The following RBFOX1 variants were observed in gnomAD, a reference collection of about 807,000 sequenced individuals.
The protein encoded by RBFOX1 is RNA binding protein fox-1 homolog 1.
A neutral mutation model predicts 57.7 loss-of-function variants in RBFOX1; 8 were observed. The observed-to-expected ratio is 0.14, with a 90% CI of 0.08 to 0.25. The LOEUF (loss-of-function observed/expected upper bound fraction) is 0.25. RBFOX1 is among the 10% of genes least tolerant of loss of function. The pLI is 1.00. For missense variants in RBFOX1, 611 were observed against 548.5 expected (o/e 1.11, Z -1.14); for synonymous variants, 326 against 222.4 (o/e 1.47, Z -4.15).
intron 1 of RBFOX1, among the ~76,000 whole-genome samples, chr16:6,274,464 A>G (rs1283902853): frequency 6.6e-6 from 1 of 152,206 alleles, no homozygotes; most frequent in African/African-American, 2.4e-5. Flanking sequence ...CAATTTATGT[A>G]AAATTCTTGA....
intron 1 of RBFOX1, among the ~76,000 whole-genome samples, chr16:6,125,676 C>A (rs1038070561): frequency 3.3e-5 from 5 of 152,066 alleles, no homozygotes; most frequent in African/African-American, 1.2e-4. Context: ...CTGCAGTCAG[C>A]AGAAATGCGT....
At chr16:5,478,536 A>G (rs1356279608) in intron 2 of RBFOX1, among the ~76,000 whole-genome samples, 1 of 152,222 alleles carries the variant, frequency 6.6e-6, no homozygotes, top group Non-Finnish European at 1.5e-5. Flanking sequence ...TAAAACACAT[A>G]CAAGGTAATT....
intron 4 of RBFOX1, among the ~76,000 whole-genome samples, chr16:7,281,283 G>A (rs538513417): frequency 4.6e-5 from 7 of 151,820 alleles, no homozygotes; most frequent in African/African-American, 1.2e-4. Flanking sequence ...GACTACAGGC[G>A]TGAGCCACCG....
At chr16:7,565,036 C>G (rs1368687277) in intron 5 of RBFOX1, among the ~76,000 whole-genome samples, 1 of 152,088 alleles carries the variant, frequency 6.6e-6, no homozygotes, top group Non-Finnish European at 1.5e-5. Flanking sequence ...TATTTGTTTG[C>G]CGACGGAGCT....
At chr16:7,353,485 A>G (rs147033840) in intron 4 of RBFOX1, among the ~76,000 whole-genome samples, 1 of 152,322 alleles carries the variant, frequency 6.6e-6, no homozygotes, top group African/African-American at 2.4e-5. Context: ...TTAAAAACAT[A>G]TGTGTACACA....
At chr16:6,525,151 C>T (rs1231879763) in intron 2 of RBFOX1, among the ~76,000 whole-genome samples, 2 of 152,118 alleles carry the variant, frequency 1.3e-5, no homozygotes, top group South Asian at 2.1e-4. Flanking sequence ...TTGGGAATTG[C>T]TTGCAAACAT....
At chr16:7,528,637 G>T (rs1334444997) in intron 5 of RBFOX1, among the ~76,000 whole-genome samples, 2 of 152,094 alleles carry the variant, frequency 1.3e-5, no homozygotes, top group Non-Finnish European at 2.9e-5. Flanking sequence ...ACTGCCTCCT[G>T]AGTAGCTGGG....
At chr16:5,818,956 C>T (rs546699575) in intron 3 of RBFOX1, among the ~76,000 whole-genome samples, 12 of 152,294 alleles carry the variant, frequency 7.9e-5, no homozygotes, top group Admixed American at 3.9e-4. Context: ...ATGGATGGGT[C>T]TTAATTACCT....
In RBFOX1 at chr16:7,361,679, C is replaced by T. The variant is rs146559852; in HGVS notation, c.28-156468C>T. On this transcript the variant is annotated intron_variant, in intron 4 of 15. Transcript: ENST00000550418. ...AGGATGCTTGGATATGGCTGAGCCA[C>T]GTTCCTGCCTGGTAGTATGAGAATT... Among the ~76,000 whole-genome samples the T allele has an allele frequency of 2.9e-3, 437 of 152,280 alleles. 3 individuals are homozygous for T. Among genetic ancestry groups the T allele is most frequent in the African/African-American group, 0.01 (423 of 41,552 alleles).
At chr16:5,515,449 C>A (rs1194221739) in intron 2 of RBFOX1, among the ~76,000 whole-genome samples, 4 of 152,188 alleles carry the variant, frequency 2.6e-5, no homozygotes, top group Non-Finnish European at 5.9e-5. Context: ...GTTTTGTCCT[C>A]CCAGGAGCCT....
At chr16:6,949,790 C>T (rs1181167863) in intron 3 of RBFOX1, among the ~76,000 whole-genome samples, 1 of 148,154 alleles carries the variant, frequency 6.7e-6, no homozygotes, top group Non-Finnish European at 1.5e-5. Context: ...TGTTCATTTT[C>T]TTCTGAATTT....
chr16:7,071,060 G>C (rs943950213), intron 4 of RBFOX1, among the ~76,000 whole-genome samples: 4 of 152,170 alleles, frequency 2.6e-5, no homozygotes, highest in African/African-American at 9.7e-5. Flanking sequence ...CCCTTCACAA[G>C]CCTATCTTTA....
At chr16:7,038,557 C>G (rs968055056) in intron 3 of RBFOX1, among the ~76,000 whole-genome samples, 3 of 152,098 alleles carry the variant, frequency 2.0e-5, no homozygotes, top group South Asian at 2.1e-4. Flanking sequence ...CAAGACATTT[C>G]GTGGTTTAGC....
At chr16:7,239,468 C>T (rs1033211865) in intron 4 of RBFOX1, among the ~76,000 whole-genome samples, 5 of 152,130 alleles carry the variant, frequency 3.3e-5, no homozygotes, top group African/African-American at 9.7e-5. Flanking sequence ...CACTGCACTC[C>T]AGCCTGGGCA....
chr16:6,465,347 C>G (rs1425964332), intron 2 of RBFOX1, among the ~76,000 whole-genome samples: 1 of 152,166 alleles, frequency 6.6e-6, no homozygotes, highest in Non-Finnish European at 1.5e-5. Context: ...AGTACATACT[C>G]TTTATTTTGA....
intron 4 of RBFOX1, among the ~76,000 whole-genome samples, chr16:7,499,996 A>C (rs2070153369): frequency 1.3e-5 from 2 of 152,060 alleles, no homozygotes; most frequent in South Asian, 4.1e-4. Flanking sequence ...TTCCTTGAGT[A>C]CACCTTGACA....
chr16:7,393,033 C>T (rs2098068412), intron 4 of RBFOX1, among the ~76,000 whole-genome samples: 2 of 152,144 alleles, frequency 1.3e-5, no homozygotes, highest in African/African-American at 2.4e-5. Flanking sequence ...GCCACCACAC[C>T]TGGCTAATTT....
intron 4 of RBFOX1, among the ~76,000 whole-genome samples, chr16:7,457,324 G>T (rs950521632): frequency 6.6e-6 from 1 of 152,138 alleles, no homozygotes; most frequent in Admixed American, 6.5e-5. Flanking sequence ...CTGGGTGCTG[G>T]GCCTCCTGAC....
chr16:5,579,447 G>GT (rs1411358725), intron 2 of RBFOX1, among the ~76,000 whole-genome samples: 1 of 152,036 alleles, frequency 6.6e-6, no homozygotes, highest in Admixed American at 6.6e-5. Flanking sequence ...CCGCATCCAT[G>GT]TGTGCACTCG....
Sources: gnomAD v4.1 joint callset for allele counts (sites outside exome capture counted in the v4.1 genomes callset) on GRCh38, gnomAD v4.1.1 for gene constraint, MANE v1.5 for transcripts, NCBI Gene and HGNC (gene_info 2026-07-23, HGNC 2026-07-21) for gene names.